The following DIP2C variants were observed in gnomAD, a reference collection of about 807,000 sequenced individuals.
DIP2C encodes disco-interacting protein 2 homolog C.
In DIP2C, 33 loss-of-function variants were observed where a neutral mutation model predicts 192.4. That is an observed-to-expected ratio of 0.17 (90% CI 0.13 to 0.23). The LOEUF (loss-of-function observed/expected upper bound fraction) is 0.23, where lower values mean the gene tolerates loss of function less well. DIP2C is among the 10% of genes least tolerant of loss of function. The pLI, the probability that DIP2C is intolerant of heterozygous loss-of-function variation, is 1.00. For missense variants in DIP2C, 1,537 were observed against 2,110.1 expected (o/e 0.73, Z 5.32); for synonymous variants, 979 against 864.1 (o/e 1.13, Z -2.33).
At chr10:510,138 C>T (rs1471845454) in intron 1 of DIP2C, among the ~76,000 whole-genome samples, 1 of 152,218 alleles carries the variant, frequency 6.6e-6, no homozygotes, top group Non-Finnish European at 1.5e-5. Flanking sequence ...CACGCATGAC[C>T]ACTGAAACTG....
rs189158657 is a variant in DIP2C at position 681,592 on chromosome 10, C to T, written c.85+7902G>A. ...CCACGGAAATTCCAGGGAACACAGA[C>T]CCTTAGTCACATGGTACAGCCACCA... On this transcript the variant is annotated intron_variant, in intron 1 of 36. Transcript: ENST00000280886. Among the ~76,000 whole-genome samples, 47 of 151,886 alleles carry T rather than the reference C, an allele frequency of 3.1e-4. No homozygotes were observed. The East Asian group carries it at 8.6e-3, about 28-fold the overall frequency.
intron 1 of DIP2C, among the ~76,000 whole-genome samples, chr10:553,576 A>G (rs1368676937): frequency 1.3e-5 from 2 of 152,270 alleles, no homozygotes; most frequent in Non-Finnish European, 2.9e-5. Context: ...CAATCATTCA[A>G]ACAAGTATCT....
intron 22 of DIP2C, among the ~76,000 whole-genome samples, chr10:358,236 C>A (rs1203537322): frequency 2.0e-5 from 3 of 151,876 alleles, no homozygotes; most frequent in African/African-American, 7.3e-5. Flanking sequence ...GCACTCACAG[C>A]CATGATTGTA....
At chr10:545,763 G>A (rs1848253924) in intron 1 of DIP2C, among the ~76,000 whole-genome samples, 1 of 152,188 alleles carries the variant, frequency 6.6e-6, no homozygotes. Flanking sequence ...TGTAGGGTGA[G>A]GGAGGGTGCA....
intron 3 of DIP2C, among the ~76,000 whole-genome samples, chr10:472,010 G>A (rs943272176): frequency 3.3e-5 from 5 of 152,028 alleles, no homozygotes; most frequent in South Asian, 2.1e-4. Flanking sequence ...CTGTGCAGAC[G>A]GCATCATAAA....
Position 680,648 on chromosome 10 carries a change from T to C in DIP2C, c.85+8846A>G, listed in dbSNP as rs143607333. Among the ~76,000 whole-genome samples, 155 of 152,302 alleles carry C rather than the reference T, an allele frequency of 1.0e-3. 4 individuals are homozygous for C. The East Asian group carries it at 0.019, about 19-fold the overall frequency. ...TCCTTGGAAAGACCATCAGGGGAGATCCACACCATTTTCAGCTTTACAGGG... is the reference window on the plus strand; with the variant it reads ...TCCTTGGAAAGACCATCAGGGGAGACCCACACCATTTTCAGCTTTACAGGG... On this transcript the variant is annotated intron_variant, in intron 1 of 36. Coordinates refer to ENST00000280886, the MANE Select transcript of DIP2C (RefSeq NM_014974.3).
chr10:390,748 T>C lies in DIP2C; in HGVS notation c.1376A>G (p.Gln459Arg), dbSNP rs1963398584. The C allele has an allele frequency of 1.9e-6, 3 of 1,613,956 alleles. No individual in the cohort carries two copies. Among genetic ancestry groups the C allele is most frequent in the Non-Finnish European group, 2.5e-6 (3 of 1,179,938 alleles). ...GAGGCTCGGTGGCTTACCTTTAAAC[T>C]GTGGGATCTCTCCCGTTGGGCTTTT... ...LPKSPTGEIP[Q>R]FKGWPKLLWF... is the part of the protein sequence containing the mutation. The change falls in exon 11 of 37, where the codon CAG (glutamine) becomes CGG (arginine). Residue 459 changes from glutamine to arginine, a missense_variant. Physicochemically the swap from Gln to Arg is conservative, Grantham distance 43 (BLOSUM62 1). Coordinates refer to ENST00000280886, the MANE Select transcript of DIP2C (RefSeq NM_014974.3).
intron 17 of DIP2C, 111 bp from the exon 18 acceptor site, chr10:369,744 G>GCA (rs938123760): frequency 3.2e-6 from 5 of 1,557,432 alleles, no homozygotes; most frequent in Admixed American, 3.4e-5. Context: ...CACAGTGCTG[G>GCA]CACCCCAGGC....
intron 1 of DIP2C, among the ~76,000 whole-genome samples, chr10:558,229 G>A (rs934777682): frequency 6.6e-6 from 1 of 152,138 alleles, no homozygotes; most frequent in African/African-American, 2.4e-5. Context: ...AGTGAGGTAG[G>A]AATCCTTACT....
intron 1 of DIP2C, among the ~76,000 whole-genome samples, chr10:489,626 T>G (rs1252032637): frequency 1.3e-5 from 2 of 150,664 alleles, no homozygotes; most frequent in East Asian, 3.9e-4. Context: ...GCCTGGTGCT[T>G]CCTCCATTTC....
chr10:606,123 C>G (rs1474097879), intron 1 of DIP2C, among the ~76,000 whole-genome samples: 4 of 152,248 alleles, frequency 2.6e-5, no homozygotes, highest in African/African-American at 9.6e-5. Context: ...CCCACGAACC[C>G]GTTTCTCCTC....
At chr10:566,483 C>A (rs1052491402) in intron 1 of DIP2C, among the ~76,000 whole-genome samples, 1 of 152,168 alleles carries the variant, frequency 6.6e-6, no homozygotes, top group Non-Finnish European at 1.5e-5. Flanking sequence ...ACAGACACAC[C>A]GCACACTGAT....
At chr10:430,271 G>A (rs973433420) in intron 4 of DIP2C, 1 of 152,096 alleles carries the variant, frequency 6.6e-6, no homozygotes, top group African/African-American at 2.4e-5. Flanking sequence ...GCCGAGTCTG[G>A]AGCACAATTC....
At chr10:445,814 G>A (rs554558980) in intron 3 of DIP2C, among the ~76,000 whole-genome samples, 73 of 152,180 alleles carry the variant, frequency 4.8e-4, no homozygotes, top group African/African-American at 1.7e-3. Flanking sequence ...ACGGTCCACT[G>A]GGCATCTGTA....
At chr10:283,250 G>C (rs202195587) in intron 35 of DIP2C, 22 bp downstream of exon 35, 35 of 1,584,138 alleles carry the variant, frequency 2.2e-5, no homozygotes, top group East Asian at 8.9e-5. Flanking sequence ...GTTGGGGGGG[G>C]GCCGCCAGCC....
At chr10:648,094 G>C (rs1855584064) in intron 1 of DIP2C, among the ~76,000 whole-genome samples, 3 of 146,144 alleles carry the variant, frequency 2.1e-5, no homozygotes, top group South Asian at 4.4e-4. Flanking sequence ...AGAACAGATG[G>C]AAACAGTCCA....
At chr10:576,277 T>C (rs1392072507) in intron 1 of DIP2C, among the ~76,000 whole-genome samples, 4 of 152,194 alleles carry the variant, frequency 2.6e-5, no homozygotes, top group African/African-American at 9.7e-5. Context: ...AAAGCAACAC[T>C]GCGAGGCAAA....
intron 1 of DIP2C, among the ~76,000 whole-genome samples, chr10:531,840 G>A (rs572244559): frequency 1.3e-5 from 2 of 152,352 alleles, no homozygotes; most frequent in East Asian, 3.9e-4. Flanking sequence ...AGCAGCCAAT[G>A]CAGGCAACGC....
intron 1 of DIP2C, among the ~76,000 whole-genome samples, chr10:508,612 A>AT (rs890597412): frequency 3.9e-5 from 6 of 152,128 alleles, no homozygotes; most frequent in Non-Finnish European, 8.8e-5. Flanking sequence ...TCTGGGATGG[A>AT]TGGATGGGTG....
Sources: gnomAD v4.1 joint callset for allele counts (sites outside exome capture counted in the v4.1 genomes callset) on GRCh38, gnomAD v4.1.1 for gene constraint, MANE v1.5 for transcripts, NCBI Gene and HGNC (gene_info 2026-07-23, HGNC 2026-07-21) for gene names.